The following ZNF804A variants were observed in gnomAD, a reference collection of about 807,000 sequenced individuals.
ZNF804A encodes zinc finger protein 804A.
A neutral mutation model predicts 16.5 loss-of-function variants in ZNF804A; 2 were observed. That is an observed-to-expected ratio of 0.12 (90% CI 0.05 to 0.38). The LOEUF is 0.38. Among genes scored for constraint, ZNF804A ranks in the 10% least tolerant of loss-of-function variants. The pLI, the probability that ZNF804A is intolerant of heterozygous loss-of-function variation, is 0.99. For missense variants in ZNF804A, 1,473 were observed against 1,390.7 expected, an observed-to-expected ratio of 1.06 and a Z score of -0.94; for synonymous variants, 534 against 489.6, an observed-to-expected ratio of 1.09 and a Z score of -1.20.
At chr2:184,854,444 A>G (rs1005920723) in intron 1 of ZNF804A, among the ~76,000 whole-genome samples, 18 of 152,032 alleles carry the variant, frequency 1.2e-4, no homozygotes, top group African/African-American at 4.3e-4. Flanking sequence ...GTGATGCCTC[A>G]TACAGGGTAA....
rs151005970 is a variant in ZNF804A, at chr2:184,830,110, C to CCACA, written c.112-36230_112-36227dup. On this transcript the variant is annotated intron_variant, in intron 1 of 3. Coordinates refer to ENST00000302277, the MANE Select transcript of ZNF804A (RefSeq NM_194250.2). The stretch of plus-strand genomic sequence containing the variant: ...GACCCTGTCTCAACAACACACCCAC[C>CCACA]CACACACACACACACACACACACAC... Among the ~76,000 whole-genome samples, 190 of 141,656 alleles carry CCACA rather than the reference C, an allele frequency of 1.3e-3. 1 individual carries two copies. The highest frequency in any genetic ancestry group is 9.6e-3 in the South Asian group (41 of 4,292). The allele number at this position is 141,656 out of a possible 152,430, so 92.9% of individuals were successfully genotyped here.
At chr2:184,827,546 C>T (rs1695185685) in intron 1 of ZNF804A, among the ~76,000 whole-genome samples, 1 of 147,836 alleles carries the variant, frequency 6.8e-6, no homozygotes, top group Non-Finnish European at 1.5e-5. Context: ...TAGTAGTAAC[C>T]TCTACCCAGG....
intron 1 of ZNF804A, among the ~76,000 whole-genome samples, chr2:184,623,669 C>A (rs920042206): frequency 6.6e-6 from 1 of 152,096 alleles, no homozygotes; most frequent in African/African-American, 2.4e-5. Flanking sequence ...AAACCCAGCA[C>A]TTGACCCAGA....
At chr2:184,929,302 T>C (rs1334249612) in intron 2 of ZNF804A, among the ~76,000 whole-genome samples, 1 of 152,216 alleles carries the variant, frequency 6.6e-6, no homozygotes, top group Non-Finnish European at 1.5e-5. Flanking sequence ...CAATGGTTAC[T>C]TTGAAACAGT....
At chr2:184,886,372 T>C (rs917162272) in intron 2 of ZNF804A, among the ~76,000 whole-genome samples, 3 of 152,170 alleles carry the variant, frequency 2.0e-5, no homozygotes, top group Non-Finnish European at 2.9e-5. Context: ...CAGGCTGGCA[T>C]TGGAGTGTCT....
At chr2:184,664,495 A>G (rs1333857592) in intron 1 of ZNF804A, among the ~76,000 whole-genome samples, 1 of 152,198 alleles carries the variant, frequency 6.6e-6, no homozygotes, top group Admixed American at 6.5e-5. Flanking sequence ...ATCCTAAACT[A>G]TTTGTAAGTT....
intron 1 of ZNF804A, among the ~76,000 whole-genome samples, chr2:184,633,359 T>C (rs1691642946): frequency 6.6e-6 from 1 of 152,068 alleles, no homozygotes. Context: ...TCTTTTGGGA[T>C]TTTTTTAAAT....
intron 2 of ZNF804A, among the ~76,000 whole-genome samples, chr2:184,884,205 G>T (rs952345349): frequency 3.3e-5 from 5 of 152,006 alleles, no homozygotes; most frequent in Non-Finnish European, 1.5e-5. Flanking sequence ...GTTCACAATA[G>T]CTACAAAAGG....
intron 1 of ZNF804A, among the ~76,000 whole-genome samples, chr2:184,681,674 T>C (rs2105719305): frequency 6.6e-6 from 1 of 152,346 alleles, no homozygotes; most frequent in East Asian, 1.9e-4. Flanking sequence ...ACTGCAGGGA[T>C]GCCAGCTTCA....
At chr2:184,861,101 T>A (rs1695793748) in intron 1 of ZNF804A, among the ~76,000 whole-genome samples, 1 of 152,292 alleles carries the variant, frequency 6.6e-6, no homozygotes, top group Non-Finnish European at 1.5e-5. Context: ...CCACAGGTAC[T>A]GTCCTGGAAT....
At chr2:184,866,054 G>A (rs1186620602) in intron 1 of ZNF804A, among the ~76,000 whole-genome samples, 2 of 152,110 alleles carry the variant, frequency 1.3e-5, no homozygotes, top group Admixed American at 1.3e-4. Context: ...AATCAAGATA[G>A]CTATGTGATT....
At chr2:184,615,419 A>C (rs1691303527) in intron 1 of ZNF804A, among the ~76,000 whole-genome samples, 1 of 152,228 alleles carries the variant, frequency 6.6e-6, no homozygotes, top group Admixed American at 6.5e-5. Flanking sequence ...TGCCAAAGAC[A>C]GTCCCAGTTT....
intron 1 of ZNF804A, among the ~76,000 whole-genome samples, chr2:184,709,320 A>C (rs2105735735): frequency 6.6e-6 from 1 of 152,244 alleles, no homozygotes. Flanking sequence ...CAAGTCATGT[A>C]GATATGAATC....
intron 1 of ZNF804A, among the ~76,000 whole-genome samples, chr2:184,630,384 G>A (rs1027251372): frequency 6.6e-6 from 1 of 152,116 alleles, no homozygotes; most frequent in Middle Eastern, 3.2e-3. Context: ...TTAACAGTGG[G>A]TAGGAAATCT....
At chr2:184,882,440 A>G (rs969730179) in intron 2 of ZNF804A, among the ~76,000 whole-genome samples, 2 of 152,158 alleles carry the variant, frequency 1.3e-5, no homozygotes, top group African/African-American at 4.8e-5. Context: ...CTTGAACATA[A>G]CATTTCACCA....
intron 2 of ZNF804A, among the ~76,000 whole-genome samples, chr2:184,874,124 A>G (rs1696016970): frequency 6.6e-6 from 1 of 152,142 alleles, no homozygotes; most frequent in South Asian, 2.1e-4. Flanking sequence ...CCTTTTTTAT[A>G]TTCTTCAAAT....
rs2105843777 is a variant in ZNF804A, at chr2:184,936,289, A to T, written c.893A>T (p.Glu298Val). 6.2e-7 allele frequency: 1 copy of T among 1,613,920 alleles called. No individual in the cohort carries two copies. Among genetic ancestry groups the T allele is most frequent in the Middle Eastern group, 1.7e-4 (1 of 6,060 alleles). ...KETVQTQEIK[E>V]VSSEKDALLL... The stretch of plus-strand genomic sequence containing the variant: ...ACTGTTCAAACTCAAGAGATAAAAG[A>T]AGTCTCTAGTGAAAAAGATGCATTA... The change falls in exon 4 of 4, where the codon GAA becomes GTA. Residue 298 changes from glutamate (E) to valine (V), a missense_variant. Physicochemically the swap from Glu to Val is moderately radical, Grantham distance 121 (BLOSUM62 -2). Coordinates refer to ENST00000302277, the MANE Select transcript of ZNF804A (RefSeq NM_194250.2).
chr2:184,834,706 T>G (rs953959630), intron 1 of ZNF804A, among the ~76,000 whole-genome samples: 1 of 152,152 alleles, frequency 6.6e-6, no homozygotes, highest in African/African-American at 2.4e-5. Flanking sequence ...TCTGTAGAAT[T>G]TATCTGAAGC....
intron 1 of ZNF804A, among the ~76,000 whole-genome samples, chr2:184,631,463 T>C (rs984889331): frequency 1.3e-5 from 2 of 152,196 alleles, no homozygotes; most frequent in Admixed American, 1.3e-4. Flanking sequence ...TAAAAGTCAC[T>C]GGCATATCAT....
Sources: gnomAD v4.1 joint callset for allele counts (sites outside exome capture counted in the v4.1 genomes callset) on GRCh38, gnomAD v4.1.1 for gene constraint, MANE v1.5 for transcripts, NCBI Gene and HGNC (gene_info 2026-07-23, HGNC 2026-07-21) for gene names.